ANKS3: variants seen among roughly 807,000 people sequenced by gnomAD.
The protein encoded by ANKS3 is ankyrin repeat and SAM domain-containing protein 3.
A neutral mutation model predicts 80.7 loss-of-function variants in ANKS3; 62 were observed. That is an observed-to-expected ratio of 0.77 (90% CI 0.63 to 0.95). The LOEUF (loss-of-function observed/expected upper bound fraction) is 0.95, where lower values mean the gene tolerates loss of function less well. Among genes scored for constraint, ANKS3 ranks in the 40% least tolerant of loss-of-function variants. ANKS3 has a pLI of 0.00. For synonymous variants in ANKS3, 489 were observed against 355.3 expected (o/e 1.38, Z -4.23); for missense variants, 1,150 against 883.6 (o/e 1.30, Z -3.82).
At chr16:4,724,475 T>C (rs889761404) in intron 6 of ANKS3, among the ~76,000 whole-genome samples, 8 of 152,198 alleles carry the variant, frequency 5.3e-5, no homozygotes, top group African/African-American at 1.7e-4. Flanking sequence ...GTGACAGGAT[T>C]ATGAGTGCTA....
intron 11 of ANKS3, 169 bp from the exon 12 acceptor site, chr16:4,699,345 T>G (rs1173537871): frequency 7.7e-6 from 7 of 912,508 alleles, no homozygotes; most frequent in Non-Finnish European, 1.1e-5. Flanking sequence ...CAGGGCAGGA[T>G]GTTGCAGGCA....
At chr16:4,714,303 G>T (rs2080658444) in intron 6 of ANKS3, 117 bp from the exon 7 acceptor site, 2 of 1,416,802 alleles carry the variant, frequency 1.4e-6, no homozygotes, top group African/African-American at 2.9e-5. Flanking sequence ...CTCCCTGTGT[G>T]GGAAACATCA....
intron 7 of ANKS3, among the ~76,000 whole-genome samples, chr16:4,711,488 G>GTACC (rs1161803947): frequency 6.6e-6 from 1 of 151,820 alleles, no homozygotes; most frequent in Non-Finnish European, 1.5e-5. Flanking sequence ...GGAGGCCCAG[G>GTACC]TGGGCAGACC....
rs77869554 is a variant in ANKS3 at position 4,714,319 on chromosome 16, G to C, written c.574-133C>G. The C allele has an allele frequency of 4.5e-5, 59 of 1,314,834 alleles. No individual in the cohort carries two copies. In the South Asian group the frequency reaches 7.6e-4, roughly 17 times the overall value. The allele number at this position is 1,314,834 out of a possible 1,614,324, so 81.4% of individuals were successfully genotyped here. A position where few individuals can be genotyped will look rare whatever the true frequency, so the allele number is the denominator to read the frequency against. On this transcript the variant is annotated intron_variant, in intron 6 of 17. Coordinates refer to ENST00000304283, the MANE Select transcript of ANKS3 (RefSeq NM_133450.4). ...TCCCTGTGTGGGAAACATCACATCT[G>C]CATGAGAAAGAGGCAGGCTTGTCTG... is the stretch of plus-strand genomic sequence containing the variant.
chr16:4,697,325 A>C lies in ANKS3; in HGVS notation c.1894+8T>G. The C allele has an allele frequency of 6.3e-7, 1 of 1,598,842 alleles. No individual in the cohort carries two copies. The highest frequency in any genetic ancestry group is 8.5e-7 in the Non-Finnish European group (1 of 1,171,158). On this transcript the variant is annotated splice_region_variant and intron_variant, in intron 16 of 17. Transcript: ENST00000304283. ...GAGCGCTCAGTCGTCTGGTCCCCGG[A>C]GACTCACCCATCTCACGGACACGGT...
chr16:4,729,879 G>A (rs1195631863), intron 3 of ANKS3, 101 bp downstream of exon 3: 7 of 1,171,838 alleles, frequency 6.0e-6, no homozygotes, highest in South Asian at 2.7e-5. Context: ...TATTCTACAC[G>A]CATTAAACAT....
At position 4,734,192 on chromosome 16, in the gene ANKS3, T is replaced by C. The variant is rs945138951; in HGVS notation, c.-325A>G. ...CTCAGGCCTTGCGCCGCCCTCGGGC[T>C]GCCGTCGCCAACCCCCCCCAAACAG... On this transcript the variant is annotated 5_prime_UTR_variant, in exon 1 of 18. Coordinates refer to ENST00000304283, the MANE Select transcript of ANKS3 (RefSeq NM_133450.4). The C allele has an allele frequency of 2.6e-4, 46 of 175,278 alleles. No homozygotes were observed. Among genetic ancestry groups the C allele is most frequent in the African/African-American group, 1.7e-3 (43 of 25,444 alleles). The allele number at this position is 175,278 out of a possible 1,614,324, so 10.9% of individuals were successfully genotyped here. A position where few individuals can be genotyped will look rare whatever the true frequency, so the allele number is the denominator to read the frequency against.
Position 4,730,140 on chromosome 16 carries a change from G to A in ANKS3, c.10C>T (p.Leu4Phe), listed in dbSNP as rs1196775734. 2 of 1,561,954 alleles carry A rather than the reference G, an allele frequency of 1.3e-6. No homozygotes were observed. Among genetic ancestry groups the A allele is most frequent in the Non-Finnish European group, 1.7e-6 (2 of 1,149,438 alleles). ...TCCGGCTCGCTGGCTTCATCGCTGAGCTCGGACATCACTGAGGAGGAAGGC... is the reference window on the plus strand; with the variant it reads ...TCCGGCTCGCTGGCTTCATCGCTGAACTCGGACATCACTGAGGAGGAAGGC... MSE[L>F]SDEASEPELL... Residue 4 changes from leucine (L) to phenylalanine (F), a missense_variant, in exon 3 of 18, where the codon CTC becomes TTC. Physicochemically the swap from Leu to Phe is conservative, Grantham distance 22. Coordinates refer to ENST00000304283, the MANE Select transcript of ANKS3 (RefSeq NM_133450.4).
intron 7 of ANKS3, among the ~76,000 whole-genome samples, chr16:4,709,584 C>T (rs191039608): frequency 2.8e-4 from 42 of 152,008 alleles, no homozygotes; most frequent in South Asian, 2.7e-3. Flanking sequence ...AGTGGATGAA[C>T]GAAGACAGAA....
intron 6 of ANKS3, chr16:4,717,618 A>T (rs2080868400): frequency 2.0e-5 from 3 of 152,172 alleles, no homozygotes; most frequent in Non-Finnish European, 4.4e-5. Context: ...TAACCAGAAT[A>T]AAACAGTAGC....
chr16:4,725,946 C>A (rs573435277), intron 5 of ANKS3, among the ~76,000 whole-genome samples: 1 of 151,018 alleles, frequency 6.6e-6, no homozygotes, highest in South Asian at 2.1e-4. Context: ...GTGTGAGCCA[C>A]TGAGCCCGGC....
At chr16:4,706,033 G>C (rs1455825808) in intron 7 of ANKS3, among the ~76,000 whole-genome samples, 1 of 151,792 alleles carries the variant, frequency 6.6e-6, no homozygotes, top group Non-Finnish European at 1.5e-5. Flanking sequence ...GAGTAGTTGG[G>C]AATTATAGGC....
intron 7 of ANKS3, among the ~76,000 whole-genome samples, chr16:4,708,802 G>A (rs927507829): frequency 1.3e-5 from 2 of 151,900 alleles, no homozygotes; most frequent in African/African-American, 2.4e-5. Flanking sequence ...GCCAGGTGTG[G>A]TGGTGGGCAC....
At position 4,701,355 on chromosome 16, in the gene ANKS3, C is replaced by T. The variant is rs949456177; in HGVS notation, c.1119+79G>A. The T allele has an allele frequency of 2.8e-6, 4 of 1,406,000 alleles. No homozygotes were observed. In the African/African-American group the frequency reaches 4.3e-5, roughly 15 times the overall value. 87.1% of individuals were successfully genotyped at this position (1,406,000 alleles called of 1,614,324 possible). On this transcript the variant is annotated intron_variant, in intron 10 of 17. Transcript: ENST00000304283. ...AGCAGCTGCTTCTTACATACATGCT[C>T]ATCTTAAAGTAACTGGGGGATGTCA...
At chr16:4,726,447 G>C (rs1376648090) in intron 5 of ANKS3, among the ~76,000 whole-genome samples, 5 of 152,234 alleles carry the variant, frequency 3.3e-5, no homozygotes, top group Non-Finnish European at 5.9e-5. Context: ...TTCAGATAAA[G>C]AAAAGGAAGC....
In ANKS3 at chr16:4,730,164, G is replaced by A; in HGVS notation, c.-2-13C>T. ...AGCTCGGACATCACTGAGGAGGAAGGCCCAAGGGTTAGATCTTTCCTGGCT... is the reference window on the plus strand; with the variant it reads ...AGCTCGGACATCACTGAGGAGGAAGACCCAAGGGTTAGATCTTTCCTGGCT... On this transcript the variant is annotated splice_polypyrimidine_tract_variant and intron_variant, in intron 2 of 17. Transcript: ENST00000304283. 1.3e-6 allele frequency: 2 copies of A among 1,506,556 alleles called. No individual in the cohort carries two copies. Among genetic ancestry groups the A allele is most frequent in the South Asian group, 1.3e-5 (1 of 76,388 alleles). 93.3% of individuals were successfully genotyped at this position (1,506,556 alleles called of 1,614,324 possible). A position where few individuals can be genotyped will look rare whatever the true frequency, so the allele number is the denominator to read the frequency against.
rs143836004 is a variant in ANKS3, at chr16:4,726,440, A to C, written c.491+219T>G. Among the ~76,000 whole-genome samples, 329 of 152,362 alleles carry C rather than the reference A, an allele frequency of 2.2e-3. 3 individuals carry two copies. Among genetic ancestry groups the C allele is most frequent in the African/African-American group, 7.5e-3 (312 of 41,596 alleles). Reference sequence around the variant, plus strand: ...CAACTGTATGACCCAGGTGGGTTTCAGATAAAGAAAAGGAAGCTGAGAGGG... The same window carrying C: ...CAACTGTATGACCCAGGTGGGTTTCCGATAAAGAAAAGGAAGCTGAGAGGG... On this transcript the variant is annotated intron_variant, in intron 5 of 17. Coordinates refer to ENST00000304283, the MANE Select transcript of ANKS3 (RefSeq NM_133450.4).
At chr16:4,726,104 T>C (rs189756652) in intron 5 of ANKS3, among the ~76,000 whole-genome samples, 1 of 151,514 alleles carries the variant, frequency 6.6e-6, no homozygotes, top group Non-Finnish European at 1.5e-5. Flanking sequence ...GCCTCCCGAG[T>C]AGCTGGGACT....
chr16:4,730,878 AC>A (rs1489047445), intron 2 of ANKS3, among the ~76,000 whole-genome samples: 1 of 152,048 alleles, frequency 6.6e-6, no homozygotes, highest in East Asian at 1.9e-4. Context: ...AAAAAAAACA[AC>A]AAAAAAGCAG....
Sources: allele counts gnomAD v4.1 joint callset (sites outside exome capture counted in the v4.1 genomes callset), GRCh38; gene constraint gnomAD v4.1.1; transcripts MANE v1.5; gene names NCBI Gene and HGNC (gene_info 2026-07-23, HGNC 2026-07-21).